SIGLEC8: variants seen among roughly 807,000 people sequenced by gnomAD.
SIGLEC8 encodes the protein sialic acid-binding Ig-like lectin 8.
SIGLEC8 carries 32 observed loss-of-function variants against 42.1 expected under a neutral mutation model. That is an observed-to-expected ratio of 0.76 (90% CI 0.57 to 1.02). The LOEUF is 1.02. Among genes scored for constraint, SIGLEC8 ranks in the 50% least tolerant of loss-of-function variants. SIGLEC8 has a pLI of 0.00. For missense variants in SIGLEC8, 611 were observed against 610.2 expected (o/e 1.00, Z -0.01); for synonymous variants, 262 against 260.3 (o/e 1.01, Z -0.06).
intron 3 of SIGLEC8, 123 bp downstream of exon 3, chr19:51,457,061 C>A (rs1370161137): frequency 3.3e-6 from 3 of 901,794 alleles, no homozygotes; most frequent in African/African-American, 1.6e-5. Flanking sequence ...GGCTCTTGTG[C>A]CCTGGGCTCA....
chr19:51,458,362 G>GGCA lies in SIGLEC8; in HGVS notation c.23_25dup (p.Leu8dup), dbSNP rs759624842. On this transcript the variant is annotated inframe_insertion, in exon 1 of 7. Transcript: ENST00000321424. ...CATCCCCTTTGTCCCCCAGAGCAGG[G>GGCA]GCAGCAGCAGCAGCAGCAGCAGCAT... is the stretch of plus-strand genomic sequence containing the variant. 131 of 1,612,840 alleles carry GGCA rather than the reference G, an allele frequency of 8.1e-5. 1 individual carries two copies. Among genetic ancestry groups the GGCA allele is most frequent in the African/African-American group, 2.9e-4 (22 of 74,936 alleles).
In SIGLEC8 at chr19:51,455,629, G is replaced by T. The variant is rs765807942; in HGVS notation, c.840C>A (p.Arg280=). 2 of 1,614,186 alleles carry T rather than the reference G, an allele frequency of 1.2e-6. No homozygotes were observed. The highest frequency in any genetic ancestry group is 8.5e-7 in the Non-Finnish European group (1 of 1,180,016). ...SLSVLEGQSL[R]LVCAVNSNPP... ...GATTGCTGTTGACAGCACAGACCAG[G>T]CGCAGAGACTGGCCCTCAAGGACTG... Residue 280 remains arginine (R), a synonymous_variant, in exon 4 of 7, where the codon CGC becomes CGA. Coordinates refer to ENST00000321424, the MANE Select transcript of SIGLEC8 (RefSeq NM_014442.3).
Position 51,457,666 on chromosome 19 carries a change from A to C in SIGLEC8, c.528T>G (p.Ser176=). The stretch of plus-strand genomic sequence containing the variant: ...TCCCCTGCTTACAGGCCCAGGGCAC[A>C]GAGCAGGTCAGGTTCCTGGAGTGGC... ...ESGHSRNLTC[S]VPWACKQGTP... The change falls in exon 2 of 7, where the codon TCT becomes TCG. Residue 176 remains serine, a synonymous_variant. Coordinates refer to ENST00000321424, the MANE Select transcript of SIGLEC8 (RefSeq NM_014442.3). 1 of 1,610,322 alleles carries C rather than the reference A, an allele frequency of 6.2e-7. No homozygotes were observed. The highest frequency in any genetic ancestry group is 8.5e-7 in the Non-Finnish European group (1 of 1,178,036).
At position 51,452,165 on chromosome 19, in the gene SIGLEC8, A is replaced by G. The variant is rs187536334; in HGVS notation, c.*214T>C. 9 of 419,112 alleles carry G rather than the reference A, an allele frequency of 2.1e-5. No individual in the cohort carries two copies. In the East Asian group the frequency reaches 3.1e-4, roughly 14 times the overall value. 26.0% of individuals were successfully genotyped at this position (419,112 alleles called of 1,614,324 possible). A position where few individuals can be genotyped will look rare whatever the true frequency, so the allele number is the denominator to read the frequency against. ...ATGAGCCACACACAGAGAGGCAAGT[A>G]CCACATGACCTCATCTCTATGTGGA... On this transcript the variant is annotated 3_prime_UTR_variant, in exon 7 of 7. Transcript: ENST00000321424.
rs374378617 is a variant in SIGLEC8, at chr19:51,452,633, C to T, written c.1246G>A (p.Gly416Arg). 40 of 1,517,592 alleles carry T rather than the reference C, an allele frequency of 2.6e-5. No homozygotes were observed. The highest frequency in any genetic ancestry group is 3.4e-5 in the Non-Finnish European group (38 of 1,129,146). The allele number at this position is 1,517,592 out of a possible 1,614,324, so 94.0% of individuals were successfully genotyped here. Reference sequence around the variant, plus strand: ...TCTTTCCAGGATTCAGTCAGGGGTCCCTGGACAGAGAGAGAGAAGGGAGTC... The same window carrying T: ...TCTTTCCAGGATTCAGTCAGGGGTCTCTGGACAGAGAGAGAGAAGGGAGTC... ...AKAIRGSASQ[G>R]PLTESWKDGN... Residue 416 changes from glycine (G) to arginine (R), a missense_variant and splice_region_variant, in exon 7 of 7, where the codon GGA becomes AGA. Coordinates refer to ENST00000321424, the MANE Select transcript of SIGLEC8 (RefSeq NM_014442.3).
chr19:51,457,228 G>T lies in SIGLEC8; in HGVS notation c.737C>A (p.Pro246His), dbSNP rs763426912. The T allele has an allele frequency of 1.7e-5, 27 of 1,613,530 alleles. No individual in the cohort carries two copies. Among genetic ancestry groups the T allele is most frequent in the Non-Finnish European group, 2.1e-5 (25 of 1,179,706 alleles). ...TSTVRLDVSY[P>H]PWNLTMTVFQ... Reference sequence around the variant, plus strand: ...GACAGTCATGGTCAAGTTCCAAGGAGGGTCTGGGACAGAAAGACATGAAGA... The same window carrying T: ...GACAGTCATGGTCAAGTTCCAAGGATGGTCTGGGACAGAAAGACATGAAGA... The change falls in exon 3 of 7, where the codon CCT (proline) becomes CAT (histidine). Residue 246 changes from proline to histidine, a missense_variant. Transcript: ENST00000321424.
chr19:51,453,610 G>C (rs928805013), intron 6 of SIGLEC8: 360 of 459,532 alleles, frequency 7.8e-4, no homozygotes, highest in Non-Finnish European at 9.8e-4. Flanking sequence ...CAGGAGAATT[G>C]CTTGAACCTG....
At chr19:51,457,048 G>A in intron 3 of SIGLEC8, 136 bp downstream of exon 3, 1 of 814,088 alleles carries the variant, frequency 1.2e-6, no homozygotes, top group South Asian at 1.4e-5. Flanking sequence ...GGCTGGAGAT[G>A]TGGGCTCTTG....
Position 51,457,470 on chromosome 19 carries a change from C to T in SIGLEC8, c.724G>A (p.Asp242Asn), listed in dbSNP as rs143876593. 2.2e-5 allele frequency: 36 copies of T among 1,613,558 alleles called. No homozygotes were observed. In the East Asian group the frequency reaches 5.3e-4, roughly 24 times the overall value. Residue 242 changes from aspartate to asparagine, a missense_variant, in exon 2 of 7, where the codon GAT (aspartate) becomes AAT (asparagine). Physicochemically the swap from Asp to Asn is conservative, Grantham distance 23. Coordinates refer to ENST00000321424, the MANE Select transcript of SIGLEC8 (RefSeq NM_014442.3). ...TTGGTCCAGCACTCACAGGACACAT[C>T]GAGGCGGACGGTACTGGTCGTGGTC... ...GVTTTSTVRL[D>N]VSYPPWNLTM...
rs543917572 is a variant in SIGLEC8 at position 51,457,788 on chromosome 19, C to T, written c.455-49G>A. ...TCAGGAGGAGGTATTTCAGGTGCAG[C>T]CCTGGAGGAAGCTCAAGCTCTGGTC... On this transcript the variant is annotated intron_variant, in intron 1 of 6. Transcript: ENST00000321424. The T allele has an allele frequency of 5.1e-4, 796 of 1,554,780 alleles. 6 individuals carry two copies. In the South Asian group the frequency reaches 9.1e-3, roughly 18 times the overall value.
rs1440491840 is a variant in SIGLEC8 at position 51,458,144 on chromosome 19, T to C, written c.244A>G (p.Asn82Asp). The C allele has an allele frequency of 2.5e-6, 4 of 1,614,118 alleles. No individual in the cohort carries two copies. Among genetic ancestry groups the C allele is most frequent in the Non-Finnish European group, 8.5e-7 (1 of 1,180,010 alleles). Residue 82 changes from asparagine to aspartate, a missense_variant, in exon 1 of 7, where the codon AAC becomes GAC. Transcript: ENST00000321424. The stretch of plus-strand genomic sequence containing the variant: ...GCCTGCACTTCTCTGTCTGGGTTGT[T>C]TGTGGCCACTGGAGCGTCTTGGTAT... ...RPYQDAPVAT[N>D]NPDREVQAET...
intron 4 of SIGLEC8, among the ~76,000 whole-genome samples, chr19:51,455,204 C>T (rs1182120047): frequency 6.6e-6 from 1 of 152,158 alleles, no homozygotes; most frequent in Non-Finnish European, 1.5e-5. Flanking sequence ...CGGGCCCCAG[C>T]TCCTCCCCTC....
chr19:51,456,995 G>T (rs1377715731), intron 3 of SIGLEC8, among the ~76,000 whole-genome samples, 189 bp downstream of exon 3: 1 of 152,122 alleles, frequency 6.6e-6, no homozygotes. Flanking sequence ...GAGTCTAAGG[G>T]GAGCAGGGAC....
chr19:51,453,385 CA>C, intron 6 of SIGLEC8: 3 of 985,194 alleles, frequency 3.0e-6, no homozygotes, highest in Non-Finnish European at 3.6e-6. Context: ...AGGGAGGTGG[CA>C]ACAAATGACT....
chr19:51,452,625 CA>C lies in SIGLEC8; in HGVS notation c.1253del (p.Leu418ArgfsTer11). The C allele has an allele frequency of 6.5e-7, 1 of 1,534,680 alleles. No homozygotes were observed. Among genetic ancestry groups the C allele is most frequent in the African/African-American group, 1.4e-5 (1 of 72,526 alleles). On this transcript the variant is annotated frameshift_variant, in exon 7 of 7. Transcript: ENST00000321424. LOFTEE classifies it low-confidence loss of function (END_TRUNC). ...AIRGSASQGP[L>X]TESWKDGNPL... Reference sequence around the variant, plus strand: ...GGTTGCCATCTTTCCAGGATTCAGTCAGGGGTCCCTGGACAGAGAGAGAGAA... The same window carrying C: ...GGTTGCCATCTTTCCAGGATTCAGTCGGGGTCCCTGGACAGAGAGAGAGAA...
In SIGLEC8 at chr19:51,451,391, C is replaced by T. The variant is rs1032591199; in HGVS notation, c.*988G>A. The T allele has an allele frequency of 1.3e-4, 20 of 152,308 alleles. No individual in the cohort carries two copies. Among genetic ancestry groups the T allele is most frequent in the Admixed American group, 5.2e-4 (8 of 15,298 alleles). 9.4% of individuals were successfully genotyped at this position (152,308 alleles called of 1,614,324 possible). Reference sequence around the variant, plus strand: ...GTACAGACCCGCCATACAGGTTGGGCAGGGGGTCCCGGCCTTCATCTCCTC... The same window carrying T: ...GTACAGACCCGCCATACAGGTTGGGTAGGGGGTCCCGGCCTTCATCTCCTC... On this transcript the variant is annotated 3_prime_UTR_variant, in exon 7 of 7. Coordinates refer to ENST00000321424, the MANE Select transcript of SIGLEC8 (RefSeq NM_014442.3).
chr19:51,454,250 T>C lies in SIGLEC8; in HGVS notation c.1214A>G (p.Asp405Gly), dbSNP rs746667314. 6 of 1,614,166 alleles carry C rather than the reference T, an allele frequency of 3.7e-6. No individual in the cohort carries two copies. The East Asian group carries it at 1.3e-4, about 36-fold the overall frequency. The change falls in exon 6 of 7, where the codon GAT becomes GGT. Residue 405 changes from aspartate to glycine, a missense_variant. Coordinates refer to ENST00000321424, the MANE Select transcript of SIGLEC8 (RefSeq NM_014442.3). The surrounding 1 kb of genome is among the most constrained non-coding windows in gnomAD (Gnocchi z 4.7). Reference sequence around the variant, plus strand: ...GGCCGAGCCCCTGATGGCCTTTGCATCTTCCATGCCTGTATCCCCCACGCC... The same window carrying C: ...GGCCGAGCCCCTGATGGCCTTTGCACCTTCCATGCCTGTATCCCCCACGCC... ...AAGVGDTGME[D>G]AKAIRGSASQ...
chr19:51,457,714 G>T lies in SIGLEC8; in HGVS notation c.480C>A (p.Leu160=). ...GGCCAGACTCTAGGGTCCCTAGGATGAGGATGTCAGGCCTATGGGTCAGGG... is the reference window on the plus strand; with the variant it reads ...GGCCAGACTCTAGGGTCCCTAGGATTAGGATGTCAGGCCTATGGGTCAGGG... The part of the protein sequence containing the change: ...VTALTHRPDI[L]ILGTLESGHS... Residue 160 remains leucine (L), a synonymous_variant, in exon 2 of 7, where the codon CTC becomes CTA. Transcript: ENST00000321424. 1.3e-6 allele frequency: 2 copies of T among 1,591,088 alleles called. No individual in the cohort carries two copies. The highest frequency in any genetic ancestry group is 1.2e-5 in the South Asian group (1 of 86,810).
Position 51,452,497 on chromosome 19 carries a change from T to C in SIGLEC8, c.1382A>G (p.Gln461Arg), listed in dbSNP as rs1377648402. 8 of 1,610,638 alleles carry C rather than the reference T, an allele frequency of 5.0e-6. No individual in the cohort carries two copies. The highest frequency in any genetic ancestry group is 6.8e-6 in the Non-Finnish European group (8 of 1,177,132). ...SFHKVKPQDP[Q>R]GQEATDSEYS... The stretch of plus-strand genomic sequence containing the variant: ...TTCACTGTCAGTGGCCTCCTGTCCC[T>C]GCGGGTCCTGAGGCTTCACTTTATG... Residue 461 changes from glutamine (Q) to arginine (R), a missense_variant, in exon 7 of 7, where the codon CAG (glutamine) becomes CGG (arginine). Gln to Arg is a conservative substitution (Grantham distance 43, BLOSUM62 1). Transcript: ENST00000321424.
Sources: gnomAD v4.1 joint callset for allele counts (sites outside exome capture counted in the v4.1 genomes callset) on GRCh38, gnomAD v4.1.1 for gene constraint, Gnocchi (gnomAD v3.1) non-coding constraint, MANE v1.5 for transcripts, NCBI Gene and HGNC (gene_info 2026-07-23, HGNC 2026-07-21) for gene names.